The following HELZ variants were observed in gnomAD, a reference collection of about 807,000 sequenced individuals.
The protein encoded by HELZ is ATP-dependent RNA helicase with zinc finger domain.
In HELZ, 23 loss-of-function variants were observed where a neutral mutation model predicts 218.2. The ratio of observed to expected loss-of-function variants is 0.11; its 90% confidence interval spans 0.08 to 0.15. HELZ has a LOEUF of 0.15. Among genes scored for constraint, HELZ ranks in the 10% least tolerant of loss-of-function variants. The probability of loss-of-function intolerance (pLI) is 1.00; values close to 1 mark genes in which losing one functional copy is unlikely to be tolerated. For synonymous variants in HELZ, 814 were observed against 829.4 expected, an observed-to-expected ratio of 0.98 and a Z score of 0.32; for missense variants, 1,813 against 2,353.7, an observed-to-expected ratio of 0.77 and a Z score of 4.75.
intron 4 of HELZ, among the ~76,000 whole-genome samples, chr17:67,216,397 A>G (rs2040601654): frequency 1.3e-5 from 2 of 152,198 alleles, no homozygotes; most frequent in African/African-American, 4.8e-5. Context: ...GCACTCCAGC[A>G]AGCCTCCTCG....
chr17:67,234,985 C>T (rs1334208868), intron 3 of HELZ, among the ~76,000 whole-genome samples: 2 of 152,172 alleles, frequency 1.3e-5, no homozygotes, highest in African/African-American at 2.4e-5. Context: ...CCTTGTATGG[C>T]CCCCTTCAAT....
Position 67,148,693 on chromosome 17 carries a change from C to T in HELZ, c.2497G>A (p.Glu833Lys). The T allele has an allele frequency of 1.2e-6, 2 of 1,612,990 alleles. No individual in the cohort carries two copies. The highest frequency in any genetic ancestry group is 2.2e-5 in the East Asian group (1 of 44,842). ...HMQLSPFVYS[E>K]FARERNLHVS... ...TGAAGGTTTCTCTCCCTGGCAAACT[C>T]GCTGTAAACAAAAGGACTGAGCTGT... Residue 833 changes from glutamate (E) to lysine (K), a missense_variant, in exon 20 of 33, where the codon GAG becomes AAG. Transcript: ENST00000358691.
Position 67,188,309 on chromosome 17 carries a change from T to A in HELZ, c.1162+10A>T. The stretch of plus-strand genomic sequence containing the variant: ...CACATTGTATCGGGGGAAAAAAGTC[T>A]AAATATTACCTTCTGTAGAAGCTGC... On this transcript the variant is annotated intron_variant, in intron 12 of 32. Coordinates refer to ENST00000358691, the MANE Select transcript of HELZ (RefSeq NM_014877.4). This position sits in a 1 kb window ranked among gnomAD's most constrained non-coding sequence, Gnocchi z 4.1. 1 of 1,596,676 alleles carries A rather than the reference T, an allele frequency of 6.3e-7. No homozygotes were observed. The highest frequency in any genetic ancestry group is 8.6e-7 in the Non-Finnish European group (1 of 1,169,180).
intron 27 of HELZ, among the ~76,000 whole-genome samples, chr17:67,118,207 A>G (rs1376111804): frequency 6.6e-6 from 1 of 152,258 alleles, no homozygotes; most frequent in African/African-American, 2.4e-5. Flanking sequence ...GTATCCACAT[A>G]TAGGATCAAC....
At chr17:67,190,469 A>G (rs1195157830) in intron 9 of HELZ, 114 bp from the exon 10 acceptor site, 3 of 744,344 alleles carry the variant, frequency 4.0e-6, no homozygotes, top group Non-Finnish European at 6.8e-6. Flanking sequence ...ATGTGCTGAA[A>G]GGCCATATTT....
chr17:67,237,400 C>T (rs542900732), intron 3 of HELZ, among the ~76,000 whole-genome samples: 29 of 152,076 alleles, frequency 1.9e-4, no homozygotes, highest in African/African-American at 7.0e-4. Context: ...CACTGTAAAC[C>T]CTAAAAATAT....
At chr17:67,184,719 G>A (rs1167292983) in intron 12 of HELZ, among the ~76,000 whole-genome samples, 2 of 152,042 alleles carry the variant, frequency 1.3e-5, no homozygotes, top group Admixed American at 6.6e-5. Flanking sequence ...AGGAGGCTGA[G>A]GTGGGAAGAT....
intron 32 of HELZ, among the ~76,000 whole-genome samples, chr17:67,083,664 C>T (rs1390974379): frequency 6.6e-6 from 1 of 152,132 alleles, no homozygotes; most frequent in Admixed American, 6.6e-5. Flanking sequence ...AAAAACACAT[C>T]TCTAATCTAA....
chr17:67,228,771 T>C (rs2040960322), intron 3 of HELZ, among the ~76,000 whole-genome samples: 1 of 151,678 alleles, frequency 6.6e-6, no homozygotes, highest in South Asian at 2.1e-4. Flanking sequence ...CAGGCTGGAG[T>C]GCAATAACGC....
chr17:67,123,164 A>C lies in HELZ; in HGVS notation c.3440-4T>G. The C allele has an allele frequency of 1.9e-6, 3 of 1,597,564 alleles. No individual in the cohort carries two copies. The highest frequency in any genetic ancestry group is 2.6e-6 in the Non-Finnish European group (3 of 1,167,886). Reference sequence around the variant, plus strand: ...AGTACAGAAGGATTGGGCTGAACTGAAAAATAAACAGAAAAAGGATGCACT... The same window carrying C: ...AGTACAGAAGGATTGGGCTGAACTGCAAAATAAACAGAAAAAGGATGCACT... On this transcript the variant is annotated splice_polypyrimidine_tract_variant and splice_region_variant and intron_variant, in intron 25 of 32. Transcript: ENST00000358691.
chr17:67,106,435 G>A lies in HELZ; in HGVS notation c.5241+734C>T, dbSNP rs2037104031. On this transcript the variant is annotated intron_variant, in intron 31 of 32. Coordinates refer to ENST00000358691, the MANE Select transcript of HELZ (RefSeq NM_014877.4). Reference sequence around the variant, plus strand: ...CCATTCTCCTGCCTCAGCCTCCCGAGTAGCTGGGACTACAGGCGCCCGCCA... The same window carrying A: ...CCATTCTCCTGCCTCAGCCTCCCGAATAGCTGGGACTACAGGCGCCCGCCA... Among the ~76,000 whole-genome samples, 3 of 151,632 alleles carry A rather than the reference G, an allele frequency of 2.0e-5. No individual in the cohort carries two copies. In the South Asian group the frequency reaches 6.2e-4, roughly 32 times the overall value.
intron 4 of HELZ, among the ~76,000 whole-genome samples, chr17:67,217,769 C>T (rs973694425): frequency 2.6e-5 from 4 of 152,140 alleles, no homozygotes; most frequent in African/African-American, 9.7e-5. Context: ...CTGGTTATCA[C>T]CTTCTCAATG....
At position 67,201,199 on chromosome 17, in the gene HELZ, T is replaced by A; in HGVS notation, c.373-14A>T. 1 of 1,576,084 alleles carries A rather than the reference T, an allele frequency of 6.3e-7. No homozygotes were observed. The highest frequency in any genetic ancestry group is 1.7e-5 in the Admixed American group (1 of 58,006). On this transcript the variant is annotated splice_polypyrimidine_tract_variant and intron_variant, in intron 6 of 32. Transcript: ENST00000358691. Reference sequence around the variant, plus strand: ...TACCATCCCATTCTGAAAGGGTGAATAAAAAAGAGAAGAACCAATTAGTAT... The same window carrying A: ...TACCATCCCATTCTGAAAGGGTGAAAAAAAAAGAGAAGAACCAATTAGTAT...
chr17:67,177,513 A>G (rs1233308354), intron 13 of HELZ, among the ~76,000 whole-genome samples: 1 of 151,998 alleles, frequency 6.6e-6, no homozygotes, highest in African/African-American at 2.4e-5. Context: ...AAGCTTTTAA[A>G]TTATATTTAA....
intron 27 of HELZ, chr17:67,120,045 C>T (rs993493215): frequency 6.2e-6 from 2 of 321,482 alleles, no homozygotes; most frequent in Non-Finnish European, 1.1e-5. Flanking sequence ...ACTCTATCGC[C>T]CAGGCTGGAG....
intron 3 of HELZ, among the ~76,000 whole-genome samples, chr17:67,221,625 A>C (rs766682214): frequency 6.6e-6 from 1 of 152,204 alleles, no homozygotes; most frequent in Non-Finnish European, 1.5e-5. Context: ...GTGGCTTTAC[A>C]TGGATTATTT....
chr17:67,107,696 A>G lies in HELZ; in HGVS notation c.4725-11T>C. 1 of 1,598,658 alleles carries G rather than the reference A, an allele frequency of 6.3e-7. No individual in the cohort carries two copies. Among genetic ancestry groups the G allele is most frequent in the Non-Finnish European group, 8.5e-7 (1 of 1,173,566 alleles). On this transcript the variant is annotated splice_polypyrimidine_tract_variant and intron_variant, in intron 30 of 32. Transcript: ENST00000358691. Reference sequence around the variant, plus strand: ...ATTAAGTCTTGAAACCTACATGAAAACAATAAAATATGAGGAGAAAACAAA... The same window carrying G: ...ATTAAGTCTTGAAACCTACATGAAAGCAATAAAATATGAGGAGAAAACAAA...
chr17:67,190,370 A>G lies in HELZ; in HGVS notation c.558-15T>C, dbSNP rs1567876993. On this transcript the variant is annotated splice_polypyrimidine_tract_variant and intron_variant, in intron 9 of 32. Coordinates refer to ENST00000358691, the MANE Select transcript of HELZ (RefSeq NM_014877.4). ...GTTCTAAAAATCTAAGTAGAATAGG[A>G]AAGACTGTTTTATCATATACTTTGT... 6 of 1,582,302 alleles carry G rather than the reference A, an allele frequency of 3.8e-6. No homozygotes were observed. The East Asian group carries it at 1.3e-4, about 35-fold the overall frequency.
Position 67,120,557 on chromosome 17 carries a change from T to C in HELZ, c.3686A>G (p.His1229Arg). The C allele has an allele frequency of 2.5e-6, 4 of 1,613,508 alleles. No homozygotes were observed. The highest frequency in any genetic ancestry group is 3.4e-6 in the Non-Finnish European group (4 of 1,179,958). ...RFAVDPRIIT[H>R]QAAMAYNMNL... ...CATGTTATAGGCCATTGCTGCCTGA[T>C]GTGTAATAATTCGAGGATCAACTGC... The change falls in exon 27 of 33, where the codon CAT (histidine) becomes CGT (arginine). Residue 1229 changes from histidine (H) to arginine (R), a missense_variant. His to Arg is a conservative substitution (Grantham distance 29). Coordinates refer to ENST00000358691, the MANE Select transcript of HELZ (RefSeq NM_014877.4).
Sources: allele counts gnomAD v4.1 joint callset (sites outside exome capture counted in the v4.1 genomes callset), GRCh38; gene constraint gnomAD v4.1.1; non-coding constraint Gnocchi (gnomAD v3.1); transcripts MANE v1.5; gene names NCBI Gene and HGNC (gene_info 2026-07-23, HGNC 2026-07-21).